ALK: variants seen among roughly 807,000 people sequenced by gnomAD.
ALK encodes ALK tyrosine kinase receptor.
In ALK, 74 loss-of-function variants were observed where a neutral mutation model predicts 163.1. The ratio of observed to expected loss-of-function variants is 0.45; its 90% CI spans 0.38 to 0.55. The LOEUF (loss-of-function observed/expected upper bound fraction) is 0.55, where lower values mean the gene tolerates loss of function less well. ALK is among the 20% of genes least tolerant of loss of function. ALK has a pLI of 0.00. For synonymous variants in ALK, 960 were observed against 843.2 expected, an observed-to-expected ratio of 1.14 and a Z score of -2.40; for missense variants, 2,063 against 2,105.3, an observed-to-expected ratio of 0.98 and a Z score of 0.39.
chr2:29,233,589 C>A lies in ALK; in HGVS notation c.2463G>T (p.Gly821=), dbSNP rs371626235. The A allele has an allele frequency of 1.2e-6, 2 of 1,614,200 alleles. No homozygotes were observed. ...CCTTAAATACGTAGGTGGCTCCACC[C>A]CCTCCTCCTCCGCCTCCTGCCCACT... ...VHEWAGGGGG[G]GGATYVFKMK... The change falls in exon 14 of 29, where the codon GGG becomes GGT. Residue 821 remains glycine (G), a synonymous_variant. Coordinates refer to ENST00000389048, the MANE Select transcript of ALK (RefSeq NM_004304.5).
At chr2:29,523,877 T>G (rs1272712740) in intron 4 of ALK, among the ~76,000 whole-genome samples, 1 of 146,290 alleles carries the variant, frequency 6.8e-6, no homozygotes, top group Non-Finnish European at 1.5e-5. Context: ...TTTTTTTTTT[T>G]TTTTTTTTTT....
intron 3 of ALK, among the ~76,000 whole-genome samples, chr2:29,564,561 C>T (rs760149344): frequency 8.5e-4 from 129 of 152,342 alleles, no homozygotes; most frequent in Non-Finnish European, 1.3e-3. Flanking sequence ...GGAGCTGCCT[C>T]ACACTGGACT....
intron 5 of ALK, among the ~76,000 whole-genome samples, chr2:29,364,515 C>G (rs569451318): frequency 6.6e-6 from 1 of 152,192 alleles, no homozygotes; most frequent in Non-Finnish European, 1.5e-5. Context: ...ACACACCATC[C>G]TTGAGCATGG....
intron 1 of ALK, among the ~76,000 whole-genome samples, chr2:29,757,983 A>T: frequency 7.0e-6 from 1 of 143,480 alleles, no homozygotes; most frequent in African/African-American, 2.6e-5. Flanking sequence ...AAGAGATGAT[A>T]TTCACACCTT....
At chr2:29,358,192 C>T (rs965030395) in intron 5 of ALK, among the ~76,000 whole-genome samples, 2 of 152,152 alleles carry the variant, frequency 1.3e-5, no homozygotes, top group Non-Finnish European at 2.9e-5. Flanking sequence ...AGAAAATCTG[C>T]AAATGTATTA....
At chr2:29,392,775 G>T (rs1222825866) in intron 4 of ALK, among the ~76,000 whole-genome samples, 1 of 152,150 alleles carries the variant, frequency 6.6e-6, no homozygotes. Flanking sequence ...TTCTTAACTG[G>T]ACTTCGTGTG....
At chr2:29,501,646 T>G (rs1188799331) in intron 4 of ALK, among the ~76,000 whole-genome samples, 1 of 152,228 alleles carries the variant, frequency 6.6e-6, no homozygotes, top group Admixed American at 6.5e-5. Flanking sequence ...CTCTCTGGAT[T>G]TCTTGCTAGC....
chr2:29,672,306 C>T (rs1677723452), intron 3 of ALK, among the ~76,000 whole-genome samples: 1 of 151,418 alleles, frequency 6.6e-6, no homozygotes, highest in East Asian at 1.9e-4. Context: ...AGGTATATCT[C>T]CCAATGCTAT....
chr2:29,811,185 G>C (rs1010153527), intron 1 of ALK, among the ~76,000 whole-genome samples: 3 of 151,870 alleles, frequency 2.0e-5, no homozygotes, highest in African/African-American at 7.3e-5. Context: ...CGAAGGCCAG[G>C]CTGGAGGGGA....
chr2:29,889,221 C>T (rs909940888), intron 1 of ALK, among the ~76,000 whole-genome samples: 2 of 151,258 alleles, frequency 1.3e-5, no homozygotes, highest in Non-Finnish European at 2.9e-5. Context: ...AATGGTTTCT[C>T]TGCAGTGGAA....
chr2:29,643,263 A>G (rs1318324160), intron 3 of ALK, among the ~76,000 whole-genome samples: 2 of 152,210 alleles, frequency 1.3e-5, no homozygotes, highest in African/African-American at 4.8e-5. Context: ...AGCAAGATAC[A>G]TCACCAGGAA....
chr2:29,229,187 G>A (rs1664115644), intron 15 of ALK, 121 bp from the exon 16 acceptor site: 1 of 865,238 alleles, frequency 1.2e-6, no homozygotes, highest in Admixed American at 2.0e-5. Flanking sequence ...AGCTCCCGGG[G>A]CCCATCTTCA....
At chr2:29,342,852 C>G (rs1468868349) in intron 5 of ALK, among the ~76,000 whole-genome samples, 9 of 151,458 alleles carry the variant, frequency 5.9e-5, no homozygotes, top group African/African-American at 1.9e-4. Flanking sequence ...CTGAGCTAAC[C>G]CGACACGGCT....
At chr2:29,505,146 T>C (rs987383253) in intron 4 of ALK, among the ~76,000 whole-genome samples, 2 of 152,164 alleles carry the variant, frequency 1.3e-5, no homozygotes, top group East Asian at 1.9e-4. Flanking sequence ...AGTAAATTGA[T>C]AGCCTTTGGG....
At chr2:29,397,756 C>T (rs1210915224) in intron 4 of ALK, among the ~76,000 whole-genome samples, 3 of 152,158 alleles carry the variant, frequency 2.0e-5, no homozygotes, top group Non-Finnish European at 4.4e-5. Flanking sequence ...AATACTATCA[C>T]CATACCCTTC....
At chr2:29,372,001 G>C (rs141861415) in intron 5 of ALK, among the ~76,000 whole-genome samples, 111 of 152,276 alleles carry the variant, frequency 7.3e-4, no homozygotes, top group Middle Eastern at 3.4e-3. Context: ...TAACATTTGC[G>C]TGCAGTTTGC....
intron 1 of ALK, among the ~76,000 whole-genome samples, chr2:29,889,730 A>T (rs1307687029): frequency 6.8e-6 from 1 of 147,928 alleles, no homozygotes; most frequent in African/African-American, 2.5e-5. Context: ...AGAGAGAGAG[A>T]GAGAGAGAGA....
At chr2:29,708,913 A>G (rs2148300400) in intron 2 of ALK, among the ~76,000 whole-genome samples, 1 of 152,286 alleles carries the variant, frequency 6.6e-6, no homozygotes, top group East Asian at 1.9e-4. Context: ...ATCTACCCAA[A>G]TGGGCTGGTT....
In ALK at chr2:29,787,097, C is replaced by A. The variant is rs574385879; in HGVS notation, c.668-69400G>T. On this transcript the variant is annotated intron_variant, in intron 1 of 28. Transcript: ENST00000389048. ...GGCATGAGCCACCATGCCCGGCCTT[C>A]CCTGGGAGTTTTTTGAAAGGGAATG... is the stretch of plus-strand genomic sequence containing the variant. Among the ~76,000 whole-genome samples the A allele has an allele frequency of 4.6e-5, 7 of 152,230 alleles. No homozygotes were observed. The South Asian group carries it at 1.5e-3, about 32-fold the overall frequency.
Sources: allele counts gnomAD v4.1 joint callset (sites outside exome capture counted in the v4.1 genomes callset), GRCh38; gene constraint gnomAD v4.1.1; transcripts MANE v1.5; gene names NCBI Gene and HGNC (gene_info 2026-07-23, HGNC 2026-07-21).